ADAM9: variants seen among roughly 807,000 people sequenced by gnomAD.
ADAM9 encodes disintegrin and metalloproteinase domain-containing protein 9.
Under a neutral mutation model 108.1 loss-of-function variants are expected in ADAM9, and 54 were observed. The ratio of observed to expected loss-of-function variants is 0.50; its 90% confidence interval spans 0.40 to 0.63. The LOEUF (loss-of-function observed/expected upper bound fraction) is 0.63. ADAM9 is among the 20% of genes least tolerant of loss of function. The pLI is 0.00. For synonymous variants in ADAM9, 316 were observed against 336.0 expected, an observed-to-expected ratio of 0.94 and a Z score of 0.65; for missense variants, 830 against 997.7, an observed-to-expected ratio of 0.83 and a Z score of 2.26.
chr8:39,095,777 A>G (rs1839484118), intron 20 of ADAM9, among the ~76,000 whole-genome samples: 1 of 152,186 alleles, frequency 6.6e-6, no homozygotes, highest in Non-Finnish European at 1.5e-5. Flanking sequence ...ATTAATTAAT[A>G]TTCGCTTTAT....
At chr8:39,049,640 T>C (rs1239768809) in intron 12 of ADAM9, among the ~76,000 whole-genome samples, 1 of 152,046 alleles carries the variant, frequency 6.6e-6, no homozygotes, top group Non-Finnish European at 1.5e-5. Flanking sequence ...GGTTTTACCA[T>C]GTTGTCCAGG....
At chr8:39,037,050 C>CTTT (rs58876607) in intron 11 of ADAM9, among the ~76,000 whole-genome samples, 116 of 78,622 alleles carry the variant, frequency 1.5e-3, no homozygotes, top group African/African-American at 3.3e-3. Context: ...TGCGCAAGTT[C>CTTT]TTTTTTTTTT....
intron 14 of ADAM9, among the ~76,000 whole-genome samples, chr8:39,070,375 A>G (rs1180494904): frequency 1.3e-5 from 2 of 152,096 alleles, no homozygotes; most frequent in Admixed American, 6.6e-5. Context: ...GGATTCCTGT[A>G]TTAAAGGCTT....
intron 1 of ADAM9, among the ~76,000 whole-genome samples, chr8:39,005,344 TAA>T (rs1250235310): frequency 6.6e-6 from 1 of 152,198 alleles, no homozygotes; most frequent in South Asian, 2.1e-4. Flanking sequence ...TAATAATTAA[TAA>T]GTGTTCAATT....
chr8:39,045,060 GCATACATACATATGTGTGTGTGCATA>G lies in ADAM9; in HGVS notation c.1302+2952_1302+2977del, dbSNP rs1243024699. 7.9e-5 allele frequency among the ~76,000 whole-genome samples: 2 copies of G among 25,432 alleles called. 1 individual carries two copies. Among genetic ancestry groups the G allele is most frequent in the African/African-American group, 4.5e-4 (2 of 4,472 alleles). The allele number at this position is 25,432 out of a possible 152,430, so 16.7% of individuals were successfully genotyped here. ...TACATATGTATGTGTATGTGTGTGTGCATACATACATATGTGTGTGTGCATACATACATATGTGTGTGTGCATACAT... is the reference window on the plus strand; with the variant it reads ...TACATATGTATGTGTATGTGTGTGTGCATACATATGTGTGTGTGCATACAT... On this transcript the variant is annotated intron_variant, in intron 12 of 21. Coordinates refer to ENST00000487273, the MANE Select transcript of ADAM9 (RefSeq NM_003816.3).
chr8:39,083,312 A>G (rs1376739441), intron 18 of ADAM9, among the ~76,000 whole-genome samples: 1 of 152,108 alleles, frequency 6.6e-6, no homozygotes, highest in East Asian at 1.9e-4. Context: ...CTTGCTTCCT[A>G]TAATCCATGT....
chr8:39,004,101 G>A (rs746672843), intron 1 of ADAM9, among the ~76,000 whole-genome samples: 3 of 152,018 alleles, frequency 2.0e-5, no homozygotes, highest in African/African-American at 4.8e-5. Context: ...ATTTTTGGAG[G>A]CATTTCTTTT....
chr8:39,069,979 T>TAAAAAAA (rs869079193), intron 14 of ADAM9, among the ~76,000 whole-genome samples: 1 of 117,364 alleles, frequency 8.5e-6, no homozygotes, highest in Non-Finnish European at 1.7e-5. Context: ...CTTGTCTCAC[T>TAAAAAAA]AAAAAAAAAA....
chr8:39,088,895 A>C (rs988029615), intron 18 of ADAM9, among the ~76,000 whole-genome samples: 10 of 152,218 alleles, frequency 6.6e-5, no homozygotes, highest in Admixed American at 1.3e-4. Flanking sequence ...AGAAAAAAGC[A>C]AGAGTCCAGT....
rs761847814 is a variant in ADAM9 at position 39,041,902 on chromosome 8, A to G, written c.1131-44A>G. On this transcript the variant is annotated intron_variant, in intron 11 of 21. Coordinates refer to ENST00000487273, the MANE Select transcript of ADAM9 (RefSeq NM_003816.3). The stretch of plus-strand genomic sequence containing the variant: ...GTCATGACTTAACATTTTCAAAGTG[A>G]GTAATCACTGTGACATAGATCTTTT... 22 of 1,573,308 alleles carry G rather than the reference A, an allele frequency of 1.4e-5. No individual in the cohort carries two copies. The Middle Eastern group carries it at 5.6e-4, about 40-fold the overall frequency.
intron 14 of ADAM9, among the ~76,000 whole-genome samples, chr8:39,060,260 G>A (rs749609720): frequency 2.6e-5 from 4 of 152,166 alleles, no homozygotes; most frequent in East Asian, 1.9e-4. Flanking sequence ...GGGAACTGTC[G>A]GAGGCGCTAA....
At chr8:39,000,212 T>G (rs1835952407) in intron 1 of ADAM9, among the ~76,000 whole-genome samples, 1 of 152,102 alleles carries the variant, frequency 6.6e-6, no homozygotes, top group Non-Finnish European at 1.5e-5. Context: ...CAGGATGGTC[T>G]CGACCTCCTG....
intron 1 of ADAM9, among the ~76,000 whole-genome samples, chr8:39,004,367 C>A (rs1836094467): frequency 6.6e-6 from 1 of 152,060 alleles, no homozygotes; most frequent in African/African-American, 2.4e-5. Context: ...GCATGTGCCA[C>A]CATGCCCCAC....
intron 10 of ADAM9, 85 bp downstream of exon 10, chr8:39,025,969 C>A: frequency 7.4e-7 from 1 of 1,356,120 alleles, no homozygotes; most frequent in South Asian, 1.2e-5. Context: ...CTCCCCTGGT[C>A]CTTAAAACAA....
intron 12 of ADAM9, among the ~76,000 whole-genome samples, chr8:39,045,439 C>CACACCTATCTGTGCGT: frequency 2.9e-5 from 1 of 34,340 alleles, no homozygotes; most frequent in East Asian, 1.3e-3. Context: ...TATATGTGCG[C>CACACCTATCTGTGCGT]GTGTGTACAC....
At chr8:38,998,855 G>T (rs557546054) in intron 1 of ADAM9, among the ~76,000 whole-genome samples, 1 of 152,126 alleles carries the variant, frequency 6.6e-6, no homozygotes, top group Non-Finnish European at 1.5e-5. Context: ...AGGGATGGAA[G>T]ATCAAACTAA....
intron 20 of ADAM9, among the ~76,000 whole-genome samples, chr8:39,093,743 T>C (rs1463455397): frequency 6.6e-6 from 1 of 152,200 alleles, no homozygotes; most frequent in African/African-American, 2.4e-5. Flanking sequence ...ACAGCCTTTA[T>C]TGTTCTGAGG....
Position 39,045,228 on chromosome 8 carries a change from GTA to G in ADAM9, c.1302+3117_1302+3118del, listed in dbSNP as rs1344577429. 8.9e-5 allele frequency among the ~76,000 whole-genome samples: 13 copies of G among 145,900 alleles called. 1 individual carries two copies. Among genetic ancestry groups the G allele is most frequent in the Non-Finnish European group, 1.1e-4 (7 of 65,492 alleles). On this transcript the variant is annotated intron_variant, in intron 12 of 21. Coordinates refer to ENST00000487273, the MANE Select transcript of ADAM9 (RefSeq NM_003816.3). The stretch of plus-strand genomic sequence containing the variant: ...TATATGTGTATACATACATATATGT[GTA>G]TATATGTGTATACATACATATATGT...
chr8:39,048,279 A>G (rs1271146735), intron 12 of ADAM9, among the ~76,000 whole-genome samples: 4 of 152,016 alleles, frequency 2.6e-5, no homozygotes, highest in African/African-American at 7.3e-5. Context: ...GTCCAAAAGT[A>G]TTTTTTAATC....
Sources: gnomAD v4.1 joint callset for allele counts (sites outside exome capture counted in the v4.1 genomes callset) on GRCh38, gnomAD v4.1.1 for gene constraint, MANE v1.5 for transcripts, NCBI Gene and HGNC (gene_info 2026-07-23, HGNC 2026-07-21) for gene names.